S100A8: variants seen among roughly 807,000 people sequenced by gnomAD.
S100A8 encodes the protein protein S100-A8.
A neutral mutation model predicts 4.2 loss-of-function variants in S100A8; 1 was observed. The observed-to-expected ratio is 0.24, with a 90% CI of 0.08 to 1.12. The LOEUF (loss-of-function observed/expected upper bound fraction) is 1.12. Among genes scored for constraint, S100A8 ranks in the 50% most tolerant of loss-of-function variants. S100A8 has a pLI of 0.53. For synonymous variants in S100A8, 41 were observed against 44.7 expected (o/e 0.92, Z 0.33); for missense variants, 96 against 111.8 (o/e 0.86, Z 0.64).
chr1:153,403,747 A>G, the S100A8 span, among the ~76,000 whole-genome samples: 11 of 152,192 alleles, frequency 7.2e-5, no homozygotes, highest in African/African-American at 2.7e-4. Context: ...ATTCTGACTA[A>G]CAACACTTTT....
the S100A8 span, chr1:153,418,005 C>A: frequency 1.9e-6 from 3 of 1,589,264 alleles, no homozygotes; most frequent in Non-Finnish European, 2.6e-6. Flanking sequence ...CCTTCTAACA[C>A]CCCCACATAG....
the S100A8 span, among the ~76,000 whole-genome samples, chr1:153,405,565 C>T: frequency 3.3e-5 from 5 of 151,842 alleles, no homozygotes; most frequent in East Asian, 5.8e-4. Context: ...TATCACATCC[C>T]GCTGGAAAAA....
the S100A8 span, among the ~76,000 whole-genome samples, chr1:153,410,230 T>C: frequency 6.6e-6 from 1 of 151,930 alleles, no homozygotes; most frequent in Non-Finnish European, 1.5e-5. Flanking sequence ...GATAGACCAC[T>C]AGCAAGACTA....
the S100A8 span, among the ~76,000 whole-genome samples, chr1:153,411,946 C>G: frequency 6.6e-6 from 1 of 152,206 alleles, no homozygotes; most frequent in Non-Finnish European, 1.5e-5. Flanking sequence ...AAAGCTGAAA[C>G]TGGATCCCTT....
chr1:153,399,075 G>T, the S100A8 span, among the ~76,000 whole-genome samples: 7 of 152,284 alleles, frequency 4.6e-5, no homozygotes, highest in Non-Finnish European at 1.0e-4. Flanking sequence ...CTTGGAAGAG[G>T]CACTGACCTG....
chr1:153,410,760 A>C, the S100A8 span, among the ~76,000 whole-genome samples: 1 of 152,242 alleles, frequency 6.6e-6, no homozygotes, highest in African/African-American at 2.4e-5. Context: ...CAAATCCAGC[A>C]GCACATCAAA....
the S100A8 span, chr1:153,421,585 G>T: frequency 1.3e-5 from 2 of 152,262 alleles, no homozygotes; most frequent in Non-Finnish European, 2.9e-5. Flanking sequence ...AGGTTGTGCA[G>T]CTTAGGGGAG....
upstream of S100A8, among the ~76,000 whole-genome samples, chr1:153,394,742 C>T (rs1219991865): frequency 2.6e-5 from 4 of 152,174 alleles, no homozygotes; most frequent in Admixed American, 2.0e-4. Flanking sequence ...GCCCCAGAGC[C>T]TGACTGATGA....
the S100A8 span, among the ~76,000 whole-genome samples, chr1:153,418,738 A>G: frequency 1.3e-5 from 2 of 152,200 alleles, no homozygotes; most frequent in African/African-American, 4.8e-5. Flanking sequence ...TTGGTGGAAA[A>G]GGAGAAGAAA....
chr1:153,393,131 G>A (rs1347003871), upstream of S100A8, among the ~76,000 whole-genome samples: 1 of 152,202 alleles, frequency 6.6e-6, no homozygotes, highest in East Asian at 1.9e-4. Context: ...TGATGTGACA[G>A]CATCCACTTC....
Position 153,390,198 on chromosome 1 carries a change from C to T in S100A8, c.187G>A (p.Asp63Asn). The T allele has an allele frequency of 1.9e-6, 3 of 1,614,082 alleles. No individual in the cohort carries two copies. Among genetic ancestry groups the T allele is most frequent in the Non-Finnish European group, 2.5e-6 (3 of 1,179,948 alleles). Reference sequence around the variant, plus strand: ...AACTCCTGGAAGTTAACTGCACCATCAGTGTTGATATCCAACTCTTTGAAC... The same window carrying T: ...AACTCCTGGAAGTTAACTGCACCATTAGTGTTGATATCCAACTCTTTGAAC... ...VWFKELDINT[D>N]GAVNFQEFLI... The change falls in exon 3 of 3, where the codon GAT becomes AAT. Residue 63 changes from aspartate (D) to asparagine (N), a missense_variant. By Grantham distance (23) the Asp-to-Asn change is conservative. Transcript: ENST00000368733.
chr1:153,394,144 T>C (rs74115420), upstream of S100A8, among the ~76,000 whole-genome samples: 3 of 152,132 alleles, frequency 2.0e-5, no homozygotes, highest in Non-Finnish European at 4.4e-5. Flanking sequence ...AACCTGGTCA[T>C]GTTTACAGGA....
chr1:153,417,931 C>T, the S100A8 span: 10 of 1,018,334 alleles, frequency 9.8e-6, no homozygotes, highest in Non-Finnish European at 1.3e-5. Flanking sequence ...TATCCCATCA[C>T]ATTTAAAAAA....
upstream of S100A8, among the ~76,000 whole-genome samples, chr1:153,391,437 T>A (rs1006511909): frequency 1.3e-5 from 2 of 152,078 alleles, no homozygotes; most frequent in African/African-American, 2.4e-5. Flanking sequence ...TGAAACTGAA[T>A]TGAAGTTGAA....
At chr1:153,415,715 G>GTT in the S100A8 span, among the ~76,000 whole-genome samples, 155 of 147,252 alleles carry the variant, frequency 1.1e-3, no homozygotes, top group African/African-American at 3.9e-3. Context: ...CCATGGGGCG[G>GTT]GGGGGGCGGG....
upstream of S100A8, among the ~76,000 whole-genome samples, chr1:153,392,418 C>T (rs956817218): frequency 7.9e-5 from 12 of 152,290 alleles, no homozygotes; most frequent in South Asian, 6.2e-4. Context: ...TTATGGAAAA[C>T]GGCAAGTTTG....
chr1:153,392,262 A>G (rs1015674242), upstream of S100A8, among the ~76,000 whole-genome samples: 2 of 152,206 alleles, frequency 1.3e-5, no homozygotes, highest in Admixed American at 6.5e-5. Flanking sequence ...TTAGGAAAAC[A>G]TGAAGCAAAA....
chr1:153,420,977 T>G, the S100A8 span: 2 of 152,538 alleles, frequency 1.3e-5, no homozygotes, highest in African/African-American at 4.8e-5. Context: ...CCACCGGGAC[T>G]GCTGGTCACT....
At chr1:153,415,185 CGTGTGTGTGT>C in the S100A8 span, among the ~76,000 whole-genome samples, 1 of 148,060 alleles carries the variant, frequency 6.8e-6, no homozygotes, top group Non-Finnish European at 1.5e-5. Flanking sequence ...TGTGTGTGTG[CGTGTGTGTGT>C]GTGTGTGTAT....
Sources: allele counts gnomAD v4.1 joint callset (sites outside exome capture counted in the v4.1 genomes callset), GRCh38; gene constraint gnomAD v4.1.1; transcripts MANE v1.5; gene names NCBI Gene and HGNC (gene_info 2026-07-23, HGNC 2026-07-21).